Variants in ETFBKMT observed in about 807,000 individuals in gnomAD.
The protein encoded by ETFBKMT is electron transfer flavoprotein subunit beta lysine methyltransferase.
Under a neutral mutation model 18.3 loss-of-function variants are expected in ETFBKMT, and 13 were observed. The observed-to-expected ratio is 0.71, with a 90% confidence interval of 0.46 to 1.13. The LOEUF is 1.13. Among genes scored for constraint, ETFBKMT ranks in the 50% most tolerant of loss-of-function variants. The pLI, the probability that ETFBKMT is intolerant of heterozygous loss-of-function variation, is 0.00. For synonymous variants in ETFBKMT, 84 were observed against 107.9 expected (o/e 0.78, Z 1.37); for missense variants, 293 against 306.2 (o/e 0.96, Z 0.32).
chr12:31,652,683 A>G (rs565138309), intron 1 of ETFBKMT, among the ~76,000 whole-genome samples: 4 of 152,196 alleles, frequency 2.6e-5, no homozygotes, highest in Non-Finnish European at 5.9e-5. Context: ...AATCCAGGCT[A>G]GAGATGATGG....
intron 1 of ETFBKMT, among the ~76,000 whole-genome samples, chr12:31,650,141 T>TA (rs1428238023): frequency 6.7e-6 from 1 of 150,088 alleles, no homozygotes; most frequent in Non-Finnish European, 1.5e-5. Flanking sequence ...ACATTTCCAG[T>TA]AAGTTAAGGT....
Position 31,661,974 on chromosome 12 carries a change from G to C in ETFBKMT, c.21G>C (p.Trp7Cys). The change falls in exon 2 of 4, where the codon TGG becomes TGC. Residue 7 changes from tryptophan (W) to cysteine (C), a missense_variant. By Grantham distance (215) the Trp-to-Cys change is radical. Transcript: ENST00000357721. ...GACTGATGGCTTTGAGTCTAGGTTG[G>C]AAAGCACACAGGAACCACTGTGGTC... MALSLG[W>C]KAHRNHCGLL... is the part of the protein sequence containing the mutation. The C allele has an allele frequency of 1.2e-6, 2 of 1,613,952 alleles. No individual in the cohort carries two copies. Among genetic ancestry groups the C allele is most frequent in the Non-Finnish European group, 1.7e-6 (2 of 1,179,932 alleles).
intron 3 of ETFBKMT, among the ~76,000 whole-genome samples, chr12:31,666,989 C>CA (rs1951204336): frequency 7.2e-6 from 1 of 139,482 alleles, no homozygotes; most frequent in African/African-American, 2.8e-5. Flanking sequence ...AGTCTCAGTT[C>CA]TTTTTTTTTC....
chr12:31,666,285 A>G (rs2139629377), intron 3 of ETFBKMT, 68 bp downstream of exon 3: 6 of 1,485,664 alleles, frequency 4.0e-6, no homozygotes, highest in Non-Finnish European at 5.5e-6. Context: ...ATATGTACAC[A>G]TGCTCAGTGT....
At chr12:31,656,792 C>T (rs1197140622), upstream of ETFBKMT, among the ~76,000 whole-genome samples, 3 of 152,138 alleles carry the variant, frequency 2.0e-5, no homozygotes, top group Admixed American at 1.3e-4. Context: ...AGTCTTGCCC[C>T]GCCTTTAACT....
rs1951237512 is a variant in ETFBKMT, at chr12:31,669,428, A to G, written c.*1438A>G. On this transcript the variant is annotated 3_prime_UTR_variant, in exon 4 of 4. Coordinates refer to ENST00000357721, the MANE Select transcript of ETFBKMT (RefSeq NM_001135863.2). ...TTGGTGAGACAGGAAGGCTAGAGGC[A>G]GCTGGAGTTGGGTGCTTCCTTTCCC... The G allele has an allele frequency of 6.6e-6, 1 of 152,290 alleles. No homozygotes were observed. Among genetic ancestry groups the G allele is most frequent in the South Asian group, 2.1e-4 (1 of 4,828 alleles). 9.4% of individuals were successfully genotyped at this position (152,290 alleles called of 1,614,324 possible).
At chr12:31,652,112 C>T (rs1445278175) in intron 1 of ETFBKMT, among the ~76,000 whole-genome samples, 2 of 152,182 alleles carry the variant, frequency 1.3e-5, no homozygotes, top group Admixed American at 1.3e-4. Flanking sequence ...AACGTCATAC[C>T]TGATCAAACC....
At chr12:31,647,690 G>A (rs1256884089) in intron 1 of ETFBKMT, among the ~76,000 whole-genome samples, 3 of 152,244 alleles carry the variant, frequency 2.0e-5, no homozygotes, top group East Asian at 1.9e-4. Flanking sequence ...TTAGCCAGGT[G>A]TGGTGGCAGG....
At position 31,668,373 on chromosome 12, in the gene ETFBKMT, C is replaced by G. The variant is rs1951225299; in HGVS notation, c.*383C>G. On this transcript the variant is annotated 3_prime_UTR_variant, in exon 4 of 4. Transcript: ENST00000357721. ...TTTGAATTAAACAAACAAAACAAAA[C>G]AGAAGAAGACTATATATATATTTTT... 2 of 159,730 alleles carry G rather than the reference C, an allele frequency of 1.3e-5. No individual in the cohort carries two copies. The highest frequency in any genetic ancestry group is 1.3e-4 in the Admixed American group (2 of 15,828). 9.9% of individuals were successfully genotyped at this position (159,730 alleles called of 1,614,324 possible). A position where few individuals can be genotyped will look rare whatever the true frequency, so the allele number is the denominator to read the frequency against.
At chr12:31,649,392 A>G (rs779189222) in intron 1 of ETFBKMT, among the ~76,000 whole-genome samples, 1 of 152,220 alleles carries the variant, frequency 6.6e-6, no homozygotes, top group East Asian at 1.9e-4. Context: ...AGGACTGCAT[A>G]TGATTCCACT....
At chr12:31,651,643 T>TTAGTA (rs1951019266) in intron 1 of ETFBKMT, among the ~76,000 whole-genome samples, 1 of 152,054 alleles carries the variant, frequency 6.6e-6, no homozygotes, top group Non-Finnish European at 1.5e-5. Flanking sequence ...ATGCCTTCCT[T>TTAGTA]TAGTAGAAAG....
At chr12:31,664,291 G>C (rs1951165600) in intron 2 of ETFBKMT, among the ~76,000 whole-genome samples, 1 of 152,044 alleles carries the variant, frequency 6.6e-6, no homozygotes, top group Non-Finnish European at 1.5e-5. Context: ...AGTTTTACCA[G>C]AGAGGTCATT....
chr12:31,667,247 G>A (rs1253644913), intron 3 of ETFBKMT, among the ~76,000 whole-genome samples: 28 of 152,116 alleles, frequency 1.8e-4, no homozygotes, highest in African/African-American at 6.3e-4. Flanking sequence ...CACCCGCCTC[G>A]GCCTCCCAAA....
In ETFBKMT at chr12:31,671,621, G is replaced by T. The variant is rs1053747391; in HGVS notation, c.*3631G>T. 2 of 152,098 alleles carry T rather than the reference G, an allele frequency of 1.3e-5. No individual in the cohort carries two copies. Among genetic ancestry groups the T allele is most frequent in the African/African-American group, 2.4e-5 (1 of 41,408 alleles). The allele number at this position is 152,098 out of a possible 1,614,324, so 9.4% of individuals were successfully genotyped here. ...TATTTACTCATTTTTACACATTTTT[G>T]AATGCAATTTTGCTAAGGAAGGAAA... On this transcript the variant is annotated 3_prime_UTR_variant, in exon 4 of 4. Coordinates refer to ENST00000357721, the MANE Select transcript of ETFBKMT (RefSeq NM_001135863.2).
At chr12:31,651,560 C>A (rs986098798) in intron 1 of ETFBKMT, among the ~76,000 whole-genome samples, 65 of 152,222 alleles carry the variant, frequency 4.3e-4, no homozygotes, top group African/African-American at 1.5e-3. Context: ...GAACTCCTGA[C>A]CTCAGGTGTG....
intron 1 of ETFBKMT, among the ~76,000 whole-genome samples, chr12:31,651,932 C>G (rs1216639359): frequency 6.6e-6 from 1 of 152,194 alleles, no homozygotes; most frequent in Non-Finnish European, 1.5e-5. Flanking sequence ...CGAGTGAACG[C>G]AGGGAGGAAC....
intron 1 of ETFBKMT, chr12:31,660,188 AGGTGGAAGCT>A (rs1951104887): frequency 6.9e-6 from 1 of 144,456 alleles, no homozygotes; most frequent in Admixed American, 7.0e-5. Flanking sequence ...AAAAAAAAAA[AGGTGGAAGCT>A]AATGTGTCAA....
In ETFBKMT at chr12:31,668,668, T is replaced by G; in HGVS notation, c.*678T>G. On this transcript the variant is annotated 3_prime_UTR_variant, in exon 4 of 4. Coordinates refer to ENST00000357721, the MANE Select transcript of ETFBKMT (RefSeq NM_001135863.2). ...CCACCATGCCTGGCTAATTTTTGTA[T>G]TTTTAGTAGAGACGGGGTTTTGCCA... The G allele has an allele frequency of 6.6e-6, 1 of 152,328 alleles. No individual in the cohort carries two copies. The highest frequency in any genetic ancestry group is 1.9e-4 in the East Asian group (1 of 5,200). The allele number at this position is 152,328 out of a possible 1,614,324, so 9.4% of individuals were successfully genotyped here. A position where few individuals can be genotyped will look rare whatever the true frequency, so the allele number is the denominator to read the frequency against.
intron 2 of ETFBKMT, among the ~76,000 whole-genome samples, chr12:31,663,065 C>G (rs1477023082): frequency 6.6e-6 from 1 of 151,720 alleles, no homozygotes; most frequent in East Asian, 1.9e-4. Context: ...GCGTAGGCAA[C>G]ATAGTGATAC....
Sources: gnomAD v4.1 joint callset for allele counts (sites outside exome capture counted in the v4.1 genomes callset) on GRCh38, gnomAD v4.1.1 for gene constraint, MANE v1.5 for transcripts, NCBI Gene and HGNC (gene_info 2026-07-23, HGNC 2026-07-21) for gene names.